WDR7: variants seen among roughly 807,000 people sequenced by gnomAD.
WDR7 encodes WD repeat domain 7, also known as WD repeat-containing protein 7.
WDR7 carries 46 observed loss-of-function variants against 169.4 expected under a neutral mutation model. The observed-to-expected ratio is 0.27, with a 90% CI of 0.21 to 0.35. The LOEUF (loss-of-function observed/expected upper bound fraction) is 0.35. WDR7 is among the 10% of genes least tolerant of loss of function. The probability of loss-of-function intolerance (pLI) is 1.00; values close to 1 mark genes in which losing one functional copy is unlikely to be tolerated. For synonymous variants in WDR7, 612 were observed against 666.8 expected (o/e 0.92, Z 1.27); for missense variants, 1,534 against 1,859.3 (o/e 0.83, Z 3.22).
chr18:56,761,004 T>G (rs2043972922), intron 16 of WDR7, among the ~76,000 whole-genome samples: 1 of 152,204 alleles, frequency 6.6e-6, no homozygotes, highest in Non-Finnish European at 1.5e-5. Context: ...TTCTATATTT[T>G]CTTTTGTGAA....
chr18:57,014,063 C>T (rs1484873902), intron 26 of WDR7, among the ~76,000 whole-genome samples: 7 of 152,140 alleles, frequency 4.6e-5, no homozygotes, highest in Non-Finnish European at 7.4e-5. Flanking sequence ...CAGTGGTTCA[C>T]GCCTATAATC....
intron 17 of WDR7, among the ~76,000 whole-genome samples, chr18:56,778,441 A>C (rs548532319): frequency 1.3e-5 from 2 of 152,216 alleles, no homozygotes; most frequent in East Asian, 3.9e-4. Flanking sequence ...TATCCCTAGG[A>C]GGTAATGGTA....
In WDR7 at chr18:56,672,521, A is replaced by G. The variant is rs752460784; in HGVS notation, c.6A>G (p.Ala2=). The G allele has an allele frequency of 3.2e-6, 5 of 1,556,510 alleles. No individual in the cohort carries two copies. Among genetic ancestry groups the G allele is most frequent in the Non-Finnish European group, 4.3e-6 (5 of 1,152,824 alleles). M[A]GNSLVLPIVL... is the part of the protein sequence containing the mutation. Reference sequence around the variant, plus strand: ...GGTTTGAAAACACAAACACAATGGCAGGAAACAGCCTTGTTCTACCCATTG... The same window carrying G: ...GGTTTGAAAACACAAACACAATGGCGGGAAACAGCCTTGTTCTACCCATTG... Residue 2 remains alanine (A), a synonymous_variant, in exon 2 of 28, where the codon GCA becomes GCG. Transcript: ENST00000254442.
At chr18:56,990,386 G>A (rs1171501944) in intron 26 of WDR7, among the ~76,000 whole-genome samples, 3 of 152,186 alleles carry the variant, frequency 2.0e-5, no homozygotes, top group Admixed American at 6.5e-5. Context: ...CCAGAGCCTA[G>A]TGAGAGCCAC....
intron 23 of WDR7, among the ~76,000 whole-genome samples, chr18:56,936,960 G>T (rs2046968732): frequency 6.6e-6 from 1 of 151,902 alleles, no homozygotes; most frequent in South Asian, 2.1e-4. Context: ...GAGCATAAAT[G>T]GCCAATTTTA....
intron 26 of WDR7, among the ~76,000 whole-genome samples, chr18:56,987,708 G>C (rs2047744551): frequency 1.3e-5 from 2 of 151,974 alleles, no homozygotes; most frequent in Non-Finnish European, 2.9e-5. Flanking sequence ...GTGTAATAGA[G>C]AAAAAAATAG....
At chr18:56,763,307 T>A (rs1357573452) in intron 16 of WDR7, among the ~76,000 whole-genome samples, 1 of 152,216 alleles carries the variant, frequency 6.6e-6, no homozygotes, top group African/African-American at 2.4e-5. Context: ...GTCGAGATTT[T>A]AAAAATTATG....
At chr18:56,969,485 G>A (rs902035874) in intron 26 of WDR7, among the ~76,000 whole-genome samples, 2 of 152,146 alleles carry the variant, frequency 1.3e-5, no homozygotes, top group Non-Finnish European at 2.9e-5. Flanking sequence ...ATATCTGTTG[G>A]ATGATTTGTT....
chr18:56,720,538 T>G (rs2026299205), intron 13 of WDR7, among the ~76,000 whole-genome samples: 1 of 152,252 alleles, frequency 6.6e-6, no homozygotes, highest in African/African-American at 2.4e-5. Flanking sequence ...TGTCTGGGAC[T>G]TGTTCAAATT....
rs192793858 is a variant in WDR7 at position 56,953,855 on chromosome 18, C to G, written c.4065-8575C>G. Among the ~76,000 whole-genome samples, 55 of 152,306 alleles carry G rather than the reference C, an allele frequency of 3.6e-4. No homozygotes were observed. The East Asian group carries it at 9.8e-3, about 27-fold the overall frequency. On this transcript the variant is annotated intron_variant, in intron 25 of 27. Coordinates refer to ENST00000254442, the MANE Select transcript of WDR7 (RefSeq NM_015285.3). ...CTTATTTTTATATATAAGAATGACTCTCATTGAACGAAATACTAATTAAAC... is the reference window on the plus strand; with the variant it reads ...CTTATTTTTATATATAAGAATGACTGTCATTGAACGAAATACTAATTAAAC...
chr18:56,707,717 T>A (rs2025991594), intron 12 of WDR7, among the ~76,000 whole-genome samples: 2 of 152,170 alleles, frequency 1.3e-5, no homozygotes, highest in Admixed American at 6.5e-5. Flanking sequence ...ATTGCTCTTC[T>A]TAGGACATAA....
In WDR7 at chr18:56,682,803, C is replaced by T; in HGVS notation, c.470C>T (p.Ser157Leu). 1.2e-6 allele frequency: 2 copies of T among 1,613,808 alleles called. No homozygotes were observed. Among genetic ancestry groups the T allele is most frequent in the Non-Finnish European group, 1.7e-6 (2 of 1,179,790 alleles). The change falls in exon 5 of 28, where the codon TCA becomes TTA. Residue 157 changes from serine (S) to leucine (L), a missense_variant. Coordinates refer to ENST00000254442, the MANE Select transcript of WDR7 (RefSeq NM_015285.3). Reference sequence around the variant, plus strand: ...TTATACTCCTTAGTATCAAAGATATCACCAGACTGGATTAGCTCCATGAGT... The same window carrying T: ...TTATACTCCTTAGTATCAAAGATATTACCAGACTGGATTAGCTCCATGAGT... ...EVLYSLVSKI[S>L]PDWISSMSII...
chr18:56,807,000 T>C (rs1432470988), intron 19 of WDR7, among the ~76,000 whole-genome samples: 2 of 152,090 alleles, frequency 1.3e-5, no homozygotes, highest in African/African-American at 4.8e-5. Context: ...TTTAAAGCCA[T>C]CAACTTCAGC....
chr18:56,948,112 A>G (rs1050599144), intron 25 of WDR7, among the ~76,000 whole-genome samples: 1 of 152,144 alleles, frequency 6.6e-6, no homozygotes, highest in African/African-American at 2.4e-5. Context: ...ATATGCCTCT[A>G]GACGTGATTT....
intron 8 of WDR7, 45 bp downstream of exon 8, chr18:56,691,406 A>C (rs777392398): frequency 2.0e-6 from 3 of 1,530,372 alleles, no homozygotes; most frequent in Non-Finnish European, 2.6e-6. Context: ...AAAGTAAAAG[A>C]TTCAGAATTT....
chr18:56,868,137 G>T (rs1260010547), intron 20 of WDR7, among the ~76,000 whole-genome samples: 1 of 152,078 alleles, frequency 6.6e-6, no homozygotes, highest in East Asian at 1.9e-4. Flanking sequence ...AAAGAAAGCA[G>T]AAGAAAAAAT....
At chr18:56,727,713 A>G (rs1167232370) in intron 13 of WDR7, among the ~76,000 whole-genome samples, 1 of 152,184 alleles carries the variant, frequency 6.6e-6, no homozygotes, top group African/African-American at 2.4e-5. Flanking sequence ...ACTCAGGGCG[A>G]AACCATATCA....
intron 12 of WDR7, among the ~76,000 whole-genome samples, chr18:56,709,318 T>C (rs955123204): frequency 1.3e-5 from 2 of 152,226 alleles, no homozygotes; most frequent in Non-Finnish European, 2.9e-5. Context: ...TGAAGAATTA[T>C]GAATGTTTTC....
intron 19 of WDR7, among the ~76,000 whole-genome samples, chr18:56,794,789 T>C (rs1371074379): frequency 6.6e-6 from 1 of 152,194 alleles, no homozygotes; most frequent in African/African-American, 2.4e-5. Context: ...ATATAACAGT[T>C]GGCTAACATG....
Sources: allele counts gnomAD v4.1 joint callset (sites outside exome capture counted in the v4.1 genomes callset), GRCh38; gene constraint gnomAD v4.1.1; transcripts MANE v1.5; gene names NCBI Gene and HGNC (gene_info 2026-07-23, HGNC 2026-07-21).